Variants in LHPP observed in about 807,000 individuals in gnomAD.
LHPP encodes phospholysine phosphohistidine inorganic pyrophosphate phosphatase, also known as hLHPP.
Under a neutral mutation model 30.3 loss-of-function variants are expected in LHPP, and 24 were observed. The observed-to-expected ratio is 0.79, with a 90% CI of 0.57 to 1.11. LHPP has a LOEUF of 1.11. LHPP is among the 50% of genes most tolerant of loss of function. The pLI, the probability that LHPP is intolerant of heterozygous loss-of-function variation, is 0.00. For synonymous variants in LHPP, 150 were observed against 157.1 expected, an observed-to-expected ratio of 0.95 and a Z score of 0.34; for missense variants, 356 against 367.2, an observed-to-expected ratio of 0.97 and a Z score of 0.25.
intron 6 of LHPP, among the ~76,000 whole-genome samples, chr10:124,551,026 G>T (rs185525617): frequency 1.3e-3 from 204 of 152,170 alleles, no homozygotes; most frequent in African/African-American, 4.7e-3. Context: ...CGGTCTCTGC[G>T]TGCCTGTTTC....
chr10:124,514,975 A>T (rs965060988), intron 5 of LHPP, among the ~76,000 whole-genome samples: 17 of 151,312 alleles, frequency 1.1e-4, no homozygotes, highest in Non-Finnish European at 1.6e-4. Flanking sequence ...CTAATTTTTT[A>T]AATTTTTATA....
chr10:124,538,538 G>C (rs1018531546), intron 6 of LHPP, among the ~76,000 whole-genome samples: 1 of 152,182 alleles, frequency 6.6e-6, no homozygotes, highest in African/African-American at 2.4e-5. Flanking sequence ...CCCCCCAAGT[G>C]GTGGGGTGGA....
chr10:124,606,854 C>G (rs1176297279), intron 6 of LHPP, among the ~76,000 whole-genome samples: 1 of 152,242 alleles, frequency 6.6e-6, no homozygotes, highest in Non-Finnish European at 1.5e-5. Flanking sequence ...GGGGGCAGCC[C>G]CAGCCCTTCC....
intron 6 of LHPP, among the ~76,000 whole-genome samples, chr10:124,573,128 C>T (rs534618580): frequency 7.2e-5 from 11 of 152,262 alleles, no homozygotes; most frequent in South Asian, 2.1e-4. Context: ...CTTTTATAAA[C>T]GTGTTTGTGT....
chr10:124,530,934 G>A (rs1954886345), intron 6 of LHPP, among the ~76,000 whole-genome samples: 1 of 152,066 alleles, frequency 6.6e-6, no homozygotes, highest in African/African-American at 2.4e-5. Context: ...TGTCTCCCTG[G>A]CACCTTGTCA....
chr10:124,572,567 G>C (rs182574087), intron 6 of LHPP, among the ~76,000 whole-genome samples: 2 of 151,698 alleles, frequency 1.3e-5, no homozygotes, highest in African/African-American at 4.9e-5. Flanking sequence ...GGAGGTGGAG[G>C]TTGCAGTAAA....
At chr10:124,466,637 A>G (rs1233229278) in intron 1 of LHPP, among the ~76,000 whole-genome samples, 1 of 151,786 alleles carries the variant, frequency 6.6e-6, no homozygotes, top group Non-Finnish European at 1.5e-5. Flanking sequence ...TTGTATTTTT[A>G]GTAGAGATGG....
intron 6 of LHPP, among the ~76,000 whole-genome samples, chr10:124,606,353 C>T (rs1243124179): frequency 2.0e-5 from 3 of 152,206 alleles, no homozygotes; most frequent in Non-Finnish European, 4.4e-5. Context: ...GCGTCCCTGC[C>T]CCGCTCAGTC....
chr10:124,528,445 G>GATTGAATC (rs1564811508), intron 6 of LHPP, among the ~76,000 whole-genome samples: 3 of 151,836 alleles, frequency 2.0e-5, no homozygotes, highest in Non-Finnish European at 4.4e-5. Flanking sequence ...TGCAACCTCC[G>GATTGAATC]CCTCCCGGGT....
intron 6 of LHPP, among the ~76,000 whole-genome samples, chr10:124,584,278 T>A (rs1478222887): frequency 6.1e-5 from 9 of 148,544 alleles, no homozygotes; most frequent in African/African-American, 2.2e-4. Flanking sequence ...GGTGGGAGAA[T>A]CACTTGAGCC....
intron 1 of LHPP, among the ~76,000 whole-genome samples, chr10:124,462,951 G>A (rs1022897439): frequency 1.3e-5 from 2 of 152,010 alleles, no homozygotes; most frequent in African/African-American, 4.8e-5. Flanking sequence ...GACTGCAACC[G>A]CCGCCTCCCA....
chr10:124,478,169 C>T lies in LHPP; in HGVS notation c.126-5970C>T, dbSNP rs772434964. On this transcript the variant is annotated intron_variant, in intron 1 of 6. Transcript: ENST00000368842. The surrounding 1 kb of genome is among the most constrained non-coding windows in gnomAD (Gnocchi z 4.7). ...GGAGGTGGTGATGTCAGGACCAGAG[C>T]AGCACCAAGGGCTGTGTGGGCGCAG... 1.2e-4 allele frequency among the ~76,000 whole-genome samples: 18 copies of T among 152,202 alleles called. No homozygotes were observed. Among genetic ancestry groups the T allele is most frequent in the Non-Finnish European group, 1.2e-4 (8 of 68,030 alleles).
At chr10:124,481,526 G>A (rs1564776333) in intron 1 of LHPP, among the ~76,000 whole-genome samples, 1 of 151,826 alleles carries the variant, frequency 6.6e-6, no homozygotes, top group Non-Finnish European at 1.5e-5. Flanking sequence ...ACAGGTGCCC[G>A]CCACCACACC....
intron 5 of LHPP, among the ~76,000 whole-genome samples, chr10:124,500,739 AT>A (rs1421157502): frequency 6.6e-6 from 1 of 151,222 alleles, no homozygotes; most frequent in Non-Finnish European, 1.5e-5. Context: ...AAAAAAAAAA[AT>A]AGAAAATAAC....
rs1370743505 is a variant in LHPP, at chr10:124,517,761, G to C, written c.716+490G>C. 6.6e-6 allele frequency among the ~76,000 whole-genome samples: 1 copy of C among 152,204 alleles called. No homozygotes were observed. Among genetic ancestry groups the C allele is most frequent in the African/African-American group, 2.4e-5 (1 of 41,456 alleles). On this transcript the variant is annotated intron_variant, in intron 6 of 6. Transcript: ENST00000368842. The surrounding 1 kb of genome is among the most constrained non-coding windows in gnomAD (Gnocchi z 4.1). ...CCCTGGAGCAGAACCTCCATCTCAA[G>C]AAGAAGGTTGTGTTTTATTTGCTGG...
At chr10:124,609,049 G>A (rs529682024) in intron 6 of LHPP, among the ~76,000 whole-genome samples, 2 of 152,190 alleles carry the variant, frequency 1.3e-5, no homozygotes, top group Admixed American at 6.5e-5. Context: ...AGCCCTGGGG[G>A]ACGGTGGACA....
At chr10:124,479,077 A>G (rs1423944086) in intron 1 of LHPP, among the ~76,000 whole-genome samples, 2 of 151,924 alleles carry the variant, frequency 1.3e-5, no homozygotes, top group Non-Finnish European at 2.9e-5. Context: ...TCAAAAAAAA[A>G]AAAAAAAAGA....
chr10:124,528,829 C>T (rs1253063297), intron 6 of LHPP, among the ~76,000 whole-genome samples: 2 of 152,128 alleles, frequency 1.3e-5, no homozygotes, highest in Non-Finnish European at 2.9e-5. Context: ...CCCCTGCCCT[C>T]TAGGGCTGTT....
chr10:124,539,735 CAAAA>C (rs34308960), intron 6 of LHPP, among the ~76,000 whole-genome samples: 5 of 120,898 alleles, frequency 4.1e-5, no homozygotes, highest in Admixed American at 8.9e-5. Flanking sequence ...AACCCTGTCT[CAAAA>C]AAAAAAAAAA....
Sources: allele counts gnomAD v4.1 joint callset (sites outside exome capture counted in the v4.1 genomes callset), GRCh38; gene constraint gnomAD v4.1.1; non-coding constraint Gnocchi (gnomAD v3.1); transcripts MANE v1.5; gene names NCBI Gene and HGNC (gene_info 2026-07-23, HGNC 2026-07-21).